AGMO: variants seen among roughly 807,000 people sequenced by gnomAD.
The protein encoded by AGMO is alkylglycerol monooxygenase, also known as glyceryl-ether monooxygenase.
Under a neutral mutation model 60.2 loss-of-function variants are expected in AGMO, and 75 were observed. The ratio of observed to expected loss-of-function variants is 1.25; its 90% CI spans 1.03 to 1.51. The LOEUF is 1.51. AGMO is among the 40% of genes most tolerant of loss of function. The probability of loss-of-function intolerance (pLI) is 0.00; values close to 1 mark genes in which losing one functional copy is unlikely to be tolerated. For missense variants in AGMO, 763 were observed against 525.5 expected, an observed-to-expected ratio of 1.45 and a Z score of -4.42; for synonymous variants, 261 against 177.1, an observed-to-expected ratio of 1.47 and a Z score of -3.76.
At chr7:15,386,990 C>T (rs1339079808) in intron 9 of AGMO, among the ~76,000 whole-genome samples, 2 of 152,162 alleles carry the variant, frequency 1.3e-5, no homozygotes, top group Non-Finnish European at 2.9e-5. Flanking sequence ...ACTTTAGATA[C>T]ATCTGTTCTG....
At chr7:15,145,336 GCA>G in the AGMO span, among the ~76,000 whole-genome samples, 6 of 151,928 alleles carry the variant, frequency 3.9e-5, no homozygotes, top group African/African-American at 1.5e-4. Context: ...AAATAAAATA[GCA>G]CACAGTTATT....
At chr7:15,339,626 GA>G (rs1487573004) in intron 12 of AGMO, among the ~76,000 whole-genome samples, 1 of 152,118 alleles carries the variant, frequency 6.6e-6, no homozygotes, top group Non-Finnish European at 1.5e-5. Context: ...TCCCATTGAA[GA>G]AATTAAATGT....
chr7:15,229,028 G>C (rs914856851), intron 12 of AGMO, among the ~76,000 whole-genome samples: 3 of 152,114 alleles, frequency 2.0e-5, no homozygotes, highest in Admixed American at 1.3e-4. Context: ...TGTCAGACCA[G>C]TGATATATGA....
chr7:15,512,000 A>C (rs75936664), intron 3 of AGMO, among the ~76,000 whole-genome samples: 2,255 of 127,794 alleles, frequency 0.018, 56 homozygotes, highest in African/African-American at 0.057. Flanking sequence ...CTTTAAGCCA[A>C]GAGAATACAC....
chr7:15,301,156 T>C (rs1383942810), intron 12 of AGMO, among the ~76,000 whole-genome samples: 1 of 152,152 alleles, frequency 6.6e-6, no homozygotes, highest in African/African-American at 2.4e-5. Flanking sequence ...AAGCAAATGC[T>C]GGCCGGGCGC....
At position 15,512,718 on chromosome 7, in the gene AGMO, T is replaced by G. The variant is rs1044995164; in HGVS notation, c.409+32054A>C. Among the ~76,000 whole-genome samples, 6 of 152,358 alleles carry G rather than the reference T, an allele frequency of 3.9e-5. No individual in the cohort carries two copies. In the East Asian group the frequency reaches 1.2e-3, roughly 29 times the overall value. On this transcript the variant is annotated intron_variant, in intron 3 of 12. Coordinates refer to ENST00000342526, the MANE Select transcript of AGMO (RefSeq NM_001004320.2). The stretch of plus-strand genomic sequence containing the variant: ...CTCAGATAATATTTTCTAGAAATTT[T>G]TCTATTTCAATGTATTTTTATTTCC...
chr7:15,445,254 G>A (rs776469534), intron 3 of AGMO, among the ~76,000 whole-genome samples: 1 of 152,118 alleles, frequency 6.6e-6, no homozygotes, highest in Non-Finnish European at 1.5e-5. Context: ...CAATAATAAT[G>A]TGTAAGATAT....
At chr7:15,357,723 C>G (rs991620273) in intron 12 of AGMO, among the ~76,000 whole-genome samples, 3 of 152,196 alleles carry the variant, frequency 2.0e-5, no homozygotes, top group Admixed American at 2.0e-4. Context: ...AGTGCGCTCC[C>G]TTGACAGCCA....
At chr7:15,351,286 C>G (rs966473398) in intron 12 of AGMO, among the ~76,000 whole-genome samples, 4 of 152,084 alleles carry the variant, frequency 2.6e-5, no homozygotes, top group African/African-American at 9.7e-5. Context: ...AAAACAAAAT[C>G]TCCCCGGCTC....
chr7:15,304,337 T>G (rs1283763153), intron 12 of AGMO, among the ~76,000 whole-genome samples: 1 of 152,114 alleles, frequency 6.6e-6, no homozygotes, highest in East Asian at 1.9e-4. Flanking sequence ...CCCCATTATT[T>G]AATAACAGCG....
At chr7:15,373,935 C>T (rs1361181394) in intron 10 of AGMO, among the ~76,000 whole-genome samples, 2 of 152,144 alleles carry the variant, frequency 1.3e-5, no homozygotes, top group East Asian at 1.9e-4. Flanking sequence ...ACACTGAAAC[C>T]TCTACAATCT....
chr7:15,136,177 G>A, the AGMO span, among the ~76,000 whole-genome samples: 1 of 151,856 alleles, frequency 6.6e-6, no homozygotes, highest in Non-Finnish European at 1.5e-5. Context: ...ATTTTTAGTA[G>A]AGACAGGGTT....
At chr7:15,180,823 A>G in the AGMO span, among the ~76,000 whole-genome samples, 1 of 152,322 alleles carries the variant, frequency 6.6e-6, no homozygotes, top group South Asian at 2.1e-4. Flanking sequence ...TGGGTAATTT[A>G]TAAAGAAAAG....
At chr7:15,140,206 T>C in the AGMO span, among the ~76,000 whole-genome samples, 63,914 of 151,782 alleles carry the variant, frequency 0.42, 13,756 homozygotes, top group East Asian at 0.72. Context: ...ATTAATTTGG[T>C]TAAGTACACC....
intron 5 of AGMO, among the ~76,000 whole-genome samples, chr7:15,399,951 G>A (rs71540703): frequency 0.03 from 4,490 of 152,090 alleles, 101 homozygotes; most frequent in Non-Finnish European, 0.051. Context: ...CTTTATCTTC[G>A]AGACCAATTC....
intron 10 of AGMO, among the ~76,000 whole-genome samples, chr7:15,375,121 C>G (rs1010737972): frequency 6.6e-6 from 1 of 152,044 alleles, no homozygotes; most frequent in African/African-American, 2.4e-5. Context: ...AAGAAAGATC[C>G]TACAACAGTT....
the AGMO span, among the ~76,000 whole-genome samples, chr7:15,171,223 C>G: frequency 1.3e-5 from 2 of 152,168 alleles, no homozygotes; most frequent in Admixed American, 1.3e-4. Flanking sequence ...CCTCGTGATC[C>G]ACCTGCCTCA....
rs373210948 is a variant in AGMO at position 15,418,606 on chromosome 7, A to T, written c.561T>A (p.Ala187=). The change falls in exon 5 of 13, where the codon GCT becomes GCA. Residue 187 remains alanine (A), a synonymous_variant. Coordinates refer to ENST00000342526, the MANE Select transcript of AGMO (RefSeq NM_001004320.2). ...LALFIPPSVY[A]VHLQFNLLYQ... is the part of the protein sequence containing the mutation. ...AAAGAAGATTGAATTGAAGATGAAC[A>T]GCATATACTGAAGGGGGTATGAAGA... 8 of 1,585,068 alleles carry T rather than the reference A, an allele frequency of 5.0e-6. No individual in the cohort carries two copies. The African/African-American group carries it at 5.5e-5, about 11-fold the overall frequency.
chr7:15,364,666 G>A (rs946161383), intron 12 of AGMO, among the ~76,000 whole-genome samples: 1 of 152,042 alleles, frequency 6.6e-6, no homozygotes, highest in African/African-American at 2.4e-5. Flanking sequence ...TAACGGGTAT[G>A]TGTATTTGCA....
Sources: allele counts gnomAD v4.1 joint callset (sites outside exome capture counted in the v4.1 genomes callset), GRCh38; gene constraint gnomAD v4.1.1; transcripts MANE v1.5; gene names NCBI Gene and HGNC (gene_info 2026-07-23, HGNC 2026-07-21).